RFFL: variants seen among roughly 807,000 people sequenced by gnomAD.
RFFL encodes the protein E3 ubiquitin-protein ligase rififylin.
In RFFL, 16 loss-of-function variants were observed where a neutral mutation model predicts 40.4. The observed-to-expected ratio is 0.40, with a 90% CI of 0.27 to 0.60. The LOEUF is 0.60. Among genes scored for constraint, RFFL ranks in the 20% least tolerant of loss-of-function variants. RFFL has a pLI of 0.47. For synonymous variants in RFFL, 154 were observed against 167.9 expected, an observed-to-expected ratio of 0.92 and a Z score of 0.64; for missense variants, 367 against 451.7, an observed-to-expected ratio of 0.81 and a Z score of 1.70.
At chr17:35,081,096 G>A (rs1021928310) in intron 1 of RFFL, among the ~76,000 whole-genome samples, 3 of 152,122 alleles carry the variant, frequency 2.0e-5, no homozygotes, top group Non-Finnish European at 2.9e-5. Flanking sequence ...TCTTTTTAGA[G>A]GAGAGGACAA....
intron 1 of RFFL, among the ~76,000 whole-genome samples, chr17:35,059,908 A>T (rs1175208290): frequency 6.6e-6 from 1 of 152,180 alleles, no homozygotes; most frequent in African/African-American, 2.4e-5. Context: ...GAGAGACCCA[A>T]AATTGAACAC....
At chr17:35,068,342 T>G (rs1272529493), upstream of RFFL, among the ~76,000 whole-genome samples, 2 of 152,240 alleles carry the variant, frequency 1.3e-5, no homozygotes, top group Non-Finnish European at 2.9e-5. Flanking sequence ...AAATGTGCTG[T>G]ATAAAATGGC....
chr17:35,028,236 G>A (rs1331746405), intron 1 of RFFL, among the ~76,000 whole-genome samples: 2 of 151,984 alleles, frequency 1.3e-5, no homozygotes, highest in Non-Finnish European at 2.9e-5. Context: ...TCAGGAGGCT[G>A]AGGTGAGAGG....
In RFFL at chr17:35,026,277, G is replaced by A. The variant is rs1224901449; in HGVS notation, c.180+97C>T. 21 of 1,231,516 alleles carry A rather than the reference G, an allele frequency of 1.7e-5. No individual in the cohort carries two copies. In the South Asian group the frequency reaches 2.8e-4, roughly 16 times the overall value. The allele number at this position is 1,231,516 out of a possible 1,614,324, so 76.3% of individuals were successfully genotyped here. ...AGCTCTGGGTCACCAGCATCACACA[G>A]GGAAAGGAAAGGTTGCAGGCATTCA... On this transcript the variant is annotated intron_variant, in intron 2 of 6. Transcript: ENST00000394597.
In RFFL at chr17:35,049,029, G is replaced by A. The variant is rs147466702; in HGVS notation, c.-9+14547C>T. On this transcript the variant is annotated intron_variant, in intron 1 of 6. Transcript: ENST00000394597. ...TGTATTTTCACCATATTCTCTCCTT[G>A]CCAAGAACACCTGTGTTCAGCCTAT... Among the ~76,000 whole-genome samples, 5 of 152,216 alleles carry A rather than the reference G, an allele frequency of 3.3e-5. No homozygotes were observed. In the East Asian group the frequency reaches 7.7e-4, roughly 24 times the overall value.
chr17:35,069,317 G>A (rs1317549381), intron 1 of RFFL: 2 of 456,632 alleles, frequency 4.4e-6, no homozygotes, highest in East Asian at 6.9e-5. Flanking sequence ...CCCAAGTCTA[G>A]GGGGCCTTTG....
chr17:35,088,879 G>C (rs192512260), intron 1 of RFFL: 1 of 152,438 alleles, frequency 6.6e-6, no homozygotes, highest in South Asian at 2.1e-4. Flanking sequence ...CGCTTTCTTT[G>C]AGGGGACTTT....
chr17:35,038,774 G>C (rs2091142945), intron 1 of RFFL, among the ~76,000 whole-genome samples: 1 of 152,196 alleles, frequency 6.6e-6, no homozygotes, highest in Non-Finnish European at 1.5e-5. Flanking sequence ...GGCAGCCCAA[G>C]GGGCTTCTGG....
intron 6 of RFFL, among the ~76,000 whole-genome samples, chr17:35,012,953 A>T (rs2090950169): frequency 1.3e-5 from 2 of 152,364 alleles, no homozygotes; most frequent in Admixed American, 6.5e-5. Context: ...AATGCCAGTT[A>T]TATGGTAGGT....
chr17:35,059,693 C>A (rs375271063), intron 1 of RFFL, among the ~76,000 whole-genome samples: 1 of 152,160 alleles, frequency 6.6e-6, no homozygotes, highest in South Asian at 2.1e-4. Context: ...CAATTTAAGA[C>A]CATTTCCTCT....
At chr17:35,028,829 C>G (rs757943570) in intron 1 of RFFL, among the ~76,000 whole-genome samples, 15 of 151,964 alleles carry the variant, frequency 9.9e-5, no homozygotes, top group Non-Finnish European at 1.9e-4. Context: ...CTTCACTTCT[C>G]TAGGTCCTTT....
chr17:35,034,895 G>T (rs1387338407), intron 1 of RFFL, among the ~76,000 whole-genome samples: 1 of 152,108 alleles, frequency 6.6e-6, no homozygotes, highest in African/African-American at 2.4e-5. Flanking sequence ...ATTTCGACTA[G>T]GTCTTTGTCC....
At chr17:35,012,228 A>T in intron 6 of RFFL, 79 bp from the exon 7 acceptor site, 7 of 1,247,872 alleles carry the variant, frequency 5.6e-6, no homozygotes, top group South Asian at 1.4e-5. Context: ...TGACTGGGGG[A>T]GGGAGGTGGG....
chr17:35,066,923 G>A (rs989192013), upstream of RFFL, among the ~76,000 whole-genome samples: 4 of 150,868 alleles, frequency 2.7e-5, no homozygotes, highest in African/African-American at 9.8e-5. Flanking sequence ...CAATATGATG[G>A]CAACCAAATA....
intron 1 of RFFL, among the ~76,000 whole-genome samples, chr17:35,054,354 C>G (rs1597832945): frequency 6.6e-6 from 1 of 152,314 alleles, no homozygotes; most frequent in Non-Finnish European, 1.5e-5. Context: ...ACCATTCCCA[C>G]AAGCTGAGGC....
At chr17:35,066,044 G>C (rs922667648), upstream of RFFL, among the ~76,000 whole-genome samples, 23 of 152,080 alleles carry the variant, frequency 1.5e-4, no homozygotes, top group Non-Finnish European at 7.4e-5. Context: ...AGAATCACTT[G>C]AACCCAGGAG....
intron 1 of RFFL, among the ~76,000 whole-genome samples, chr17:35,031,280 T>C (rs2091081459): frequency 6.6e-6 from 1 of 151,934 alleles, no homozygotes; most frequent in Non-Finnish European, 1.5e-5. Flanking sequence ...CTAATTTTTG[T>C]ATTTTTAGTA....
At chr17:35,071,176 C>T (rs1372500525) in intron 1 of RFFL, among the ~76,000 whole-genome samples, 1 of 141,426 alleles carries the variant, frequency 7.1e-6, no homozygotes, top group African/African-American at 2.6e-5. Flanking sequence ...CCAGCCTAGG[C>T]TACAGAGCAA....
chr17:35,060,304 T>C (rs1567713476), intron 1 of RFFL, among the ~76,000 whole-genome samples: 1 of 152,148 alleles, frequency 6.6e-6, no homozygotes, highest in Admixed American at 6.5e-5. Context: ...CCTCCTACCT[T>C]GATGATAAAG....
Sources: allele counts gnomAD v4.1 joint callset (sites outside exome capture counted in the v4.1 genomes callset), GRCh38; gene constraint gnomAD v4.1.1; transcripts MANE v1.5; gene names NCBI Gene and HGNC (gene_info 2026-07-23, HGNC 2026-07-21).